The following FAT3 variants were observed in gnomAD, a reference collection of about 807,000 sequenced individuals.
FAT3 encodes protocadherin Fat 3.
A neutral mutation model predicts 310.2 loss-of-function variants in FAT3; 95 were observed. The observed-to-expected ratio is 0.31, with a 90% CI of 0.26 to 0.36. FAT3 has a LOEUF of 0.36. Ranked by LOEUF, FAT3 falls within the 10% of genes least tolerant of loss-of-function variation. The pLI, the probability that FAT3 is intolerant of heterozygous loss-of-function variation, is 1.00. For missense variants in FAT3, 5,408 were observed against 5,715.6 expected (o/e 0.95, Z 1.74); for synonymous variants, 2,314 against 2,192.9 (o/e 1.06, Z -1.54).
chr11:92,568,982 C>T (rs1255835399), intron 3 of FAT3, among the ~76,000 whole-genome samples: 3 of 152,120 alleles, frequency 2.0e-5, no homozygotes, highest in African/African-American at 4.8e-5. Flanking sequence ...CTCATGAAAA[C>T]GAAGGCAATT....
chr11:92,373,529 T>G lies in FAT3; in HGVS notation c.3292+18125T>G, dbSNP rs183351016. The stretch of plus-strand genomic sequence containing the variant: ...TGCATTCTATTTTCTCATGTGCCTT[T>G]GTTGTTAGGAGCTTAAAGGGAATAT... On this transcript the variant is annotated intron_variant, in intron 2 of 27. Coordinates refer to ENST00000525166, the MANE Select transcript of FAT3 (RefSeq NM_001367949.2). Among the ~76,000 whole-genome samples, 175 of 152,292 alleles carry G rather than the reference T, an allele frequency of 1.1e-3. 1 individual carries two copies. In the Middle Eastern group the frequency reaches 0.02, roughly 18 times the overall value.
In FAT3 at chr11:92,628,061, G is replaced by C. The variant is rs147285885; in HGVS notation, c.3608-69323G>C. 5.6e-4 allele frequency among the ~76,000 whole-genome samples: 85 copies of C among 152,204 alleles called. 1 individual carries two copies. Among genetic ancestry groups the C allele is most frequent in the African/African-American group, 2.0e-3 (83 of 41,538 alleles). On this transcript the variant is annotated intron_variant, in intron 3 of 27. Transcript: ENST00000525166. ...CAGGTCAGTATAGTCTTCCTCACTG[G>C]GTTGTTTTATGGGATAGTTCAGATA...
intron 4 of FAT3, among the ~76,000 whole-genome samples, chr11:92,736,189 T>TCC (rs1309689269): frequency 6.6e-6 from 1 of 152,164 alleles, no homozygotes; most frequent in Non-Finnish European, 1.5e-5. Context: ...GCAACCAAAC[T>TCC]GTTGTGCTGA....
chr11:92,890,966 C>G lies in FAT3; in HGVS notation c.13623C>G (p.Ser4541=), dbSNP rs1949906247. Residue 4541 remains serine, a synonymous_variant, in exon 28 of 28, where the codon TCC becomes TCG. Coordinates refer to ENST00000525166, the MANE Select transcript of FAT3 (RefSeq NM_001367949.2). Reference sequence around the variant, plus strand: ...GCGTGTCTCTGTCCTTGCACAATTCCAGAGGCACCTCATCCTCGGATGTGT... The same window carrying G: ...GCGTGTCTCTGTCCTTGCACAATTCGAGAGGCACCTCATCCTCGGATGTGT... ...ADSVSLSLHN[S]RGTSSSDVSA... is the part of the protein sequence containing the mutation. 2 of 1,613,834 alleles carry G rather than the reference C, an allele frequency of 1.2e-6. No individual in the cohort carries two copies. The highest frequency in any genetic ancestry group is 3.3e-5 in the Admixed American group (2 of 59,984).
intron 3 of FAT3, among the ~76,000 whole-genome samples, chr11:92,619,969 G>C (rs1015272762): frequency 6.6e-6 from 1 of 151,910 alleles, no homozygotes; most frequent in Non-Finnish European, 1.5e-5. Flanking sequence ...TATTAAAAAA[G>C]TCATTTATAG....
At chr11:92,545,727 C>T (rs1954595750) in intron 3 of FAT3, among the ~76,000 whole-genome samples, 1 of 152,150 alleles carries the variant, frequency 6.6e-6, no homozygotes, top group Non-Finnish European at 1.5e-5. Flanking sequence ...GACAGCCAGG[C>T]ACATCCTTTT....
intron 4 of FAT3, among the ~76,000 whole-genome samples, chr11:92,725,122 C>T (rs1944964121): frequency 6.6e-6 from 1 of 152,140 alleles, no homozygotes. Context: ...TGGTAAGCTA[C>T]CTACCAAAAG....
chr11:92,761,745 G>T (rs1047905370), intron 4 of FAT3, 111 bp from the exon 5 acceptor site: 1 of 960,426 alleles, frequency 1.0e-6, no homozygotes, highest in Middle Eastern at 2.6e-4. Context: ...AATACTAAAA[G>T]AATTTGGATA....
intron 2 of FAT3, among the ~76,000 whole-genome samples, chr11:92,471,795 A>G (rs1951910914): frequency 6.6e-6 from 1 of 151,940 alleles, no homozygotes; most frequent in Non-Finnish European, 1.5e-5. Context: ...ACATTCATGC[A>G]GTTGAATATT....
At chr11:92,494,351 A>G (rs900965674) in intron 2 of FAT3, among the ~76,000 whole-genome samples, 3 of 152,038 alleles carry the variant, frequency 2.0e-5, no homozygotes, top group African/African-American at 4.8e-5. Context: ...CATTTGGCCC[A>G]TAATAGTCAC....
At position 92,358,583 on chromosome 11, in the gene FAT3, C is replaced by T. The variant is rs115713074; in HGVS notation, c.3292+3179C>T. On this transcript the variant is annotated intron_variant, in intron 2 of 27. Transcript: ENST00000525166. The stretch of plus-strand genomic sequence containing the variant: ...ATTTTTTTTAAGAAGACTAGAGTGT[C>T]CATACAATCTTAACCATCTTTCTTT... 8.1e-3 allele frequency among the ~76,000 whole-genome samples: 1,233 copies of T among 152,170 alleles called. 23 individuals are homozygous for T. Among genetic ancestry groups the T allele is most frequent in the African/African-American group, 0.028 (1,181 of 41,516 alleles).
intron 4 of FAT3, among the ~76,000 whole-genome samples, chr11:92,761,269 T>C (rs142355120): frequency 2.0e-5 from 3 of 152,280 alleles, no homozygotes; most frequent in Non-Finnish European, 4.4e-5. Context: ...CCTCATATGG[T>C]GGAAGGGAAA....
At chr11:92,863,439 A>G (rs1246249430) in intron 21 of FAT3, among the ~76,000 whole-genome samples, 1 of 152,140 alleles carries the variant, frequency 6.6e-6, no homozygotes, top group Non-Finnish European at 1.5e-5. Flanking sequence ...TAGAACTCTG[A>G]TTTCTTGTCT....
At chr11:92,452,975 T>A (rs896233930) in intron 2 of FAT3, among the ~76,000 whole-genome samples, 2 of 152,092 alleles carry the variant, frequency 1.3e-5, no homozygotes, top group African/African-American at 4.8e-5. Context: ...GGTTTCACCA[T>A]GTTGCCCAGG....
chr11:92,824,519 TA>T (rs1238643748), intron 13 of FAT3, among the ~76,000 whole-genome samples: 5 of 152,180 alleles, frequency 3.3e-5, no homozygotes, highest in Non-Finnish European at 7.3e-5. Context: ...GCCTATACAA[TA>T]TGTATCTTTT....
intron 19 of FAT3, among the ~76,000 whole-genome samples, chr11:92,847,395 C>A: frequency 6.6e-6 from 1 of 152,272 alleles, no homozygotes; most frequent in Middle Eastern, 3.4e-3. Flanking sequence ...GCTGTGCTAT[C>A]TAGGTTTGTG....
chr11:92,254,775 G>A (rs2054219), intron 1 of FAT3, among the ~76,000 whole-genome samples: 33,905 of 151,832 alleles, frequency 0.22, 4,145 homozygotes, highest in East Asian at 0.38. Flanking sequence ...GCATGATCTC[G>A]GCTCACTGCA....
chr11:92,866,212 T>G (rs1949242488), intron 21 of FAT3, among the ~76,000 whole-genome samples: 1 of 152,200 alleles, frequency 6.6e-6, no homozygotes, highest in Non-Finnish European at 1.5e-5. Flanking sequence ...CATATATGTA[T>G]TTGTGTGATT....
chr11:92,251,068 T>G (rs1446586071), intron 1 of FAT3, among the ~76,000 whole-genome samples: 2 of 152,158 alleles, frequency 1.3e-5, no homozygotes, highest in African/African-American at 4.8e-5. Flanking sequence ...TTAGTAAATA[T>G]ACAGATTCAG....
Sources: gnomAD v4.1 joint callset for allele counts (sites outside exome capture counted in the v4.1 genomes callset) on GRCh38, gnomAD v4.1.1 for gene constraint, MANE v1.5 for transcripts, NCBI Gene and HGNC (gene_info 2026-07-23, HGNC 2026-07-21) for gene names.